The following HPDL variants were observed in gnomAD, a reference collection of about 807,000 sequenced individuals.
HPDL encodes the protein 4-hydroxyphenylpyruvate dioxygenase like.
In HPDL, 7 loss-of-function variants were observed where a neutral mutation model predicts 9.8. The observed-to-expected ratio is 0.71, with a 90% CI of 0.41 to 1.34. HPDL has a LOEUF of 1.34. HPDL is among the 40% of genes most tolerant of loss of function. HPDL has a pLI of 0.01. For synonymous variants in HPDL, 250 were observed against 228.2 expected, an observed-to-expected ratio of 1.10 and a Z score of -0.86; for missense variants, 530 against 495.1, an observed-to-expected ratio of 1.07 and a Z score of -0.67.
Position 45,327,394 on chromosome 1 carries a change from C to T in HPDL, c.246C>T (p.Cys82=), listed in dbSNP as rs1231014654. ...RHAVPSATNL[C]FDVADAGAAT... ...CCGTGCCCAGCGCCACAAACCTGTG[C>T]TTCGACGTGGCGGACGCCGGCGCTG... The change falls in exon 1 of 1, where the codon TGC becomes TGT. Residue 82 remains cysteine (C), a synonymous_variant. Transcript: ENST00000334815. The surrounding 1 kb of genome is among the most constrained non-coding windows in gnomAD (Gnocchi z 6.3). 1.9e-6 allele frequency: 3 copies of T among 1,585,952 alleles called. No individual in the cohort carries two copies. The highest frequency in any genetic ancestry group is 8.5e-7 in the Non-Finnish European group (1 of 1,170,852).
Position 45,327,643 on chromosome 1 carries a change from C to G in HPDL, c.495C>G (p.Thr165=). Residue 165 remains threonine, a synonymous_variant, in exon 1 of 1, where the codon ACC becomes ACG. Transcript: ENST00000334815. This position sits in a 1 kb window ranked among gnomAD's most constrained non-coding sequence, Gnocchi z 6.3. ...PGWVSRVDHL[T]LACTPGSSPT... ...GGGTCAGCCGCGTGGACCACCTGAC[C>G]TTGGCCTGCACCCCCGGCAGCTCCC... 6.2e-7 allele frequency: 1 copy of G among 1,612,262 alleles called. No homozygotes were observed. The highest frequency in any genetic ancestry group is 1.1e-5 in the South Asian group (1 of 90,984).
rs1644247798 is a variant in HPDL at position 45,327,459 on chromosome 1, T to C, written c.311T>C (p.Val104Ala). 1.3e-6 allele frequency: 2 copies of C among 1,589,140 alleles called. No homozygotes were observed. Among genetic ancestry groups the C allele is most frequent in the South Asian group, 1.1e-5 (1 of 89,162 alleles). ...ELAALGCSVP[V>A]PPVRVRDAQG... ...GCAGCGCTGGGCTGCAGCGTGCCTGTCCCTCCCGTTCGCGTGCGGGACGCG... is the reference window on the plus strand; with the variant it reads ...GCAGCGCTGGGCTGCAGCGTGCCTGCCCCTCCCGTTCGCGTGCGGGACGCG... The change falls in exon 1 of 1, where the codon GTC (valine) becomes GCC (alanine). Residue 104 changes from valine (V) to alanine (A), a missense_variant. Coordinates refer to ENST00000334815, the MANE Select transcript of HPDL (RefSeq NM_032756.4). This position sits in a 1 kb window ranked among gnomAD's most constrained non-coding sequence, Gnocchi z 6.3.
Position 45,327,482 on chromosome 1 carries a change from G to A in HPDL, c.334G>A (p.Ala112Thr). The change falls in exon 1 of 1, where the codon GCG becomes ACG. Residue 112 changes from alanine (A) to threonine (T), a missense_variant. By Grantham distance (58) the Ala-to-Thr change is moderately conservative (BLOSUM62 0). Coordinates refer to ENST00000334815, the MANE Select transcript of HPDL (RefSeq NM_032756.4). The surrounding 1 kb of genome is among the most constrained non-coding windows in gnomAD (Gnocchi z 6.3). Reference sequence around the variant, plus strand: ...TGTCCCTCCCGTTCGCGTGCGGGACGCGCAGGGTGCCGCCACTTACGCCGT... The same window carrying A: ...TGTCCCTCCCGTTCGCGTGCGGGACACGCAGGGTGCCGCCACTTACGCCGT... ...VPVPPVRVRD[A>T]QGAATYAVVS... The A allele has an allele frequency of 6.3e-7, 1 of 1,594,194 alleles. No individual in the cohort carries two copies. Among genetic ancestry groups the A allele is most frequent in the Admixed American group, 1.7e-5 (1 of 59,324 alleles).
At position 45,327,642 on chromosome 1, in the gene HPDL, C is replaced by T; in HGVS notation, c.494C>T (p.Thr165Ile). Reference sequence around the variant, plus strand: ...TGGGTCAGCCGCGTGGACCACCTGACCTTGGCCTGCACCCCCGGCAGCTCC... The same window carrying T: ...TGGGTCAGCCGCGTGGACCACCTGATCTTGGCCTGCACCCCCGGCAGCTCC... ...PGWVSRVDHLTLACTPGSSPT... is the reference protein window; with the variant it reads ...PGWVSRVDHLILACTPGSSPT... Residue 165 changes from threonine to isoleucine, a missense_variant, in exon 1 of 1, where the codon ACC becomes ATC. Coordinates refer to ENST00000334815, the MANE Select transcript of HPDL (RefSeq NM_032756.4). This position sits in a 1 kb window ranked among gnomAD's most constrained non-coding sequence, Gnocchi z 6.3. The T allele has an allele frequency of 6.2e-7, 1 of 1,612,242 alleles. No individual in the cohort carries two copies. The highest frequency in any genetic ancestry group is 1.1e-5 in the South Asian group (1 of 90,984).
chr1:45,328,529 G>A lies in HPDL; in HGVS notation c.*265G>A. 2.4e-6 allele frequency: 1 copy of A among 422,222 alleles called. No homozygotes were observed. The highest frequency in any genetic ancestry group is 4.4e-6 in the Non-Finnish European group (1 of 228,306). 26.2% of individuals were successfully genotyped at this position (422,222 alleles called of 1,614,324 possible). On this transcript the variant is annotated 3_prime_UTR_variant, in exon 1 of 1. Transcript: ENST00000334815. ...AGAACAATAAAAGAATTACACACTA[G>A]GAAATAGAACATAACCAATACTTTC...
At position 45,328,176 on chromosome 1, in the gene HPDL, G is replaced by A. The variant is rs373876225; in HGVS notation, c.1028G>A (p.Arg343Lys). The stretch of plus-strand genomic sequence containing the variant: ...ACTTTCTTCCTGGAGCTGATTCAGA[G>A]GCAGGGGGCCACTGGCTTTGGTCAG... ...EDTFFLELIQRQGATGFGQGN... is the reference protein window; with the variant it reads ...EDTFFLELIQKQGATGFGQGN... The change falls in exon 1 of 1, where the codon AGG becomes AAG. Residue 343 changes from arginine to lysine, a missense_variant. By Grantham distance (26) the Arg-to-Lys change is conservative. Coordinates refer to ENST00000334815, the MANE Select transcript of HPDL (RefSeq NM_032756.4). 6.2e-6 allele frequency: 10 copies of A among 1,614,250 alleles called. No individual in the cohort carries two copies. Among genetic ancestry groups the A allele is most frequent in the East Asian group, 2.2e-5 (1 of 44,884 alleles).
In HPDL at chr1:45,327,628, C is replaced by T. The variant is rs755537717; in HGVS notation, c.480C>T (p.Arg160=). The T allele has an allele frequency of 3.1e-6, 5 of 1,612,502 alleles. No homozygotes were observed. In the East Asian group the frequency reaches 1.1e-4, roughly 36 times the overall value. ...CGCCTGGCCCCGGGTGGGTCAGCCG[C>T]GTGGACCACCTGACCTTGGCCTGCA... is the stretch of plus-strand genomic sequence containing the variant. The part of the protein sequence containing the change: ...SSAPGPGWVS[R]VDHLTLACTP... The change falls in exon 1 of 1, where the codon CGC becomes CGT. Residue 160 remains arginine, a synonymous_variant. Coordinates refer to ENST00000334815, the MANE Select transcript of HPDL (RefSeq NM_032756.4). This position sits in a 1 kb window ranked among gnomAD's most constrained non-coding sequence, Gnocchi z 6.3.
At position 45,328,335 on chromosome 1, in the gene HPDL, C is replaced by T; in HGVS notation, c.*71C>T. ...AGACCAGCACAGAACTGAGGAACAT[C>T]TGCAGGAGGCCCAACTAGTGAAAGG... On this transcript the variant is annotated 3_prime_UTR_variant, in exon 1 of 1. Transcript: ENST00000334815. 2 of 1,495,954 alleles carry T rather than the reference C, an allele frequency of 1.3e-6. No individual in the cohort carries two copies. Among genetic ancestry groups the T allele is most frequent in the Non-Finnish European group, 1.8e-6 (2 of 1,108,428 alleles). 92.7% of individuals were successfully genotyped at this position (1,495,954 alleles called of 1,614,324 possible). A position where few individuals can be genotyped will look rare whatever the true frequency, so the allele number is the denominator to read the frequency against.
rs1281072753 is a variant in HPDL at position 45,328,013 on chromosome 1, C to A, written c.865C>A (p.Gln289Lys). The stretch of plus-strand genomic sequence containing the variant: ...CCTGGCTCCCCCTGGGGCATACTAC[C>A]AGCAGCCAGGAAAGGAGAGGCAGAT... ...QFLAPPGAYY[Q>K]QPGKERQIRA... The change falls in exon 1 of 1, where the codon CAG becomes AAG. Residue 289 changes from glutamine to lysine, a missense_variant. Coordinates refer to ENST00000334815, the MANE Select transcript of HPDL (RefSeq NM_032756.4). 1.5e-5 allele frequency: 24 copies of A among 1,613,776 alleles called. No individual in the cohort carries two copies. Among genetic ancestry groups the A allele is most frequent in the Non-Finnish European group, 2.0e-5 (24 of 1,179,692 alleles).
Position 45,328,157 on chromosome 1 carries a change from T to G in HPDL, c.1009T>G (p.Phe337Val). Reference sequence around the variant, plus strand: ...GTCCCTTTTTACTGAGGACACTTTCTTCCTGGAGCTGATTCAGAGGCAGGG... The same window carrying G: ...GTCCCTTTTTACTGAGGACACTTTCGTCCTGGAGCTGATTCAGAGGCAGGG... Reference protein sequence around the residue: ...TKSLFTEDTFFLELIQRQGAT... With the variant: ...TKSLFTEDTFVLELIQRQGAT... Residue 337 changes from phenylalanine (F) to valine (V), a missense_variant, in exon 1 of 1, where the codon TTC (phenylalanine) becomes GTC (valine). Phe to Val is a conservative substitution (Grantham distance 50, BLOSUM62 -1). Transcript: ENST00000334815. The G allele has an allele frequency of 1.2e-6, 2 of 1,614,244 alleles. No homozygotes were observed. Among genetic ancestry groups the G allele is most frequent in the Non-Finnish European group, 1.7e-6 (2 of 1,180,052 alleles).
chr1:45,327,744 T>C lies in HPDL; in HGVS notation c.596T>C (p.Leu199Pro). 1 of 1,612,728 alleles carries C rather than the reference T, an allele frequency of 6.2e-7. No homozygotes were observed. The change falls in exon 1 of 1, where the codon CTG becomes CCG. Residue 199 changes from leucine (L) to proline (P), a missense_variant. By Grantham distance (98) the Leu-to-Pro change is moderately conservative. Transcript: ENST00000334815. This position sits in a 1 kb window ranked among gnomAD's most constrained non-coding sequence, Gnocchi z 6.3. Reference protein sequence around the residue: ...LPLSPGEDPELGLEMTAGFGL... With the variant: ...LPLSPGEDPEPGLEMTAGFGL... ...CTGAGCCCAGGTGAGGATCCCGAGC[T>C]GGGCCTCGAAATGACAGCAGGGTTT...
chr1:45,327,377 A>C lies in HPDL; in HGVS notation c.229A>C (p.Ser77Arg). Residue 77 changes from serine to arginine, a missense_variant, in exon 1 of 1, where the codon AGC becomes CGC. Transcript: ENST00000334815. The surrounding 1 kb of genome is among the most constrained non-coding windows in gnomAD (Gnocchi z 6.3). ...YGLDPRHAVP[S>R]ATNLCFDVAD... ...CCTGGATCCGCGTCACGCCGTGCCCAGCGCCACAAACCTGTGCTTCGACGT... is the reference window on the plus strand; with the variant it reads ...CCTGGATCCGCGTCACGCCGTGCCCCGCGCCACAAACCTGTGCTTCGACGT... 1 of 1,585,256 alleles carries C rather than the reference A, an allele frequency of 6.3e-7. No individual in the cohort carries two copies. Among genetic ancestry groups the C allele is most frequent in the Non-Finnish European group, 8.5e-7 (1 of 1,169,772 alleles).
chr1:45,327,344 C>A lies in HPDL; in HGVS notation c.196C>A (p.Leu66Met). 5 of 1,580,484 alleles carry A rather than the reference C, an allele frequency of 3.2e-6. No homozygotes were observed. The highest frequency in any genetic ancestry group is 4.3e-6 in the Non-Finnish European group (5 of 1,165,392). Residue 66 changes from leucine (L) to methionine (M), a missense_variant, in exon 1 of 1, where the codon CTG (leucine) becomes ATG (methionine). Physicochemically the swap from Leu to Met is conservative, Grantham distance 15. Coordinates refer to ENST00000334815, the MANE Select transcript of HPDL (RefSeq NM_032756.4). The surrounding 1 kb of genome is among the most constrained non-coding windows in gnomAD (Gnocchi z 6.3). Reference protein sequence around the residue: ...VNEGAGSGEPLYGLDPRHAVP... With the variant: ...VNEGAGSGEPMYGLDPRHAVP... ...CGAGGGCGCAGGGTCTGGAGAGCCG[C>A]TGTACGGCCTGGATCCGCGTCACGC...
In HPDL at chr1:45,328,040, C is replaced by T. The variant is rs1174829812; in HGVS notation, c.892C>T (p.Arg298Ter). 6.2e-7 allele frequency: 1 copy of T among 1,614,150 alleles called. No individual in the cohort carries two copies. The highest frequency in any genetic ancestry group is 1.7e-5 in the Admixed American group (1 of 60,026). ...YQQPGKERQIRAAGHEPHLLA... is the reference protein window; with the variant it reads ...YQQPGKERQI The stretch of plus-strand genomic sequence containing the variant: ...GCAGCCAGGAAAGGAGAGGCAGATC[C>T]GAGCTGCAGGGCACGAGCCTCATCT... The change falls in exon 1 of 1, where the codon CGA becomes TGA. Residue 298 changes from arginine to a stop codon, truncating the protein, a stop_gained. Coordinates refer to ENST00000334815, the MANE Select transcript of HPDL (RefSeq NM_032756.4). LOFTEE classifies it high-confidence loss of function.
chr1:45,327,076 TGA>T lies in HPDL; in HGVS notation c.-69_-68del, dbSNP rs1208837803. 1.4e-6 allele frequency: 2 copies of T among 1,462,698 alleles called. No homozygotes were observed. Among genetic ancestry groups the T allele is most frequent in the Non-Finnish European group, 1.8e-6 (2 of 1,098,662 alleles). The allele number at this position is 1,462,698 out of a possible 1,614,324, so 90.6% of individuals were successfully genotyped here. ...CAACTCCGGACGATCAGCCCAGGAC[TGA>T]GAGCCCCGAAGTCCCCAACCACAAG... On this transcript the variant is annotated 5_prime_UTR_variant, in exon 1 of 1. Coordinates refer to ENST00000334815, the MANE Select transcript of HPDL (RefSeq NM_032756.4). This position sits in a 1 kb window ranked among gnomAD's most constrained non-coding sequence, Gnocchi z 6.3.
rs763386678 is a variant in HPDL, at chr1:45,328,370, C to T, written c.*106C>T. On this transcript the variant is annotated 3_prime_UTR_variant, in exon 1 of 1. Coordinates refer to ENST00000334815, the MANE Select transcript of HPDL (RefSeq NM_032756.4). ...CCCAACTAGTGAAAGGCTTTGCCTC[C>T]GGGGGGCAGGTGTGACTTCCATTTC... is the stretch of plus-strand genomic sequence containing the variant. The T allele has an allele frequency of 6.5e-5, 80 of 1,236,728 alleles. No individual in the cohort carries two copies. The highest frequency in any genetic ancestry group is 3.5e-4 in the Admixed American group (13 of 37,672). The allele number at this position is 1,236,728 out of a possible 1,614,324, so 76.6% of individuals were successfully genotyped here. A position where few individuals can be genotyped will look rare whatever the true frequency, so the allele number is the denominator to read the frequency against.
Position 45,327,351 on chromosome 1 carries a change from G to T in HPDL, c.203G>T (p.Gly68Val). ...GCAGGGTCTGGAGAGCCGCTGTACG[G>T]CCTGGATCCGCGTCACGCCGTGCCC... ...EGAGSGEPLY[G>V]LDPRHAVPSA... is the part of the protein sequence containing the mutation. The change falls in exon 1 of 1, where the codon GGC (glycine) becomes GTC (valine). Residue 68 changes from glycine (G) to valine (V), a missense_variant. Gly to Val is a moderately radical substitution (Grantham distance 109). Transcript: ENST00000334815. This position sits in a 1 kb window ranked among gnomAD's most constrained non-coding sequence, Gnocchi z 6.3. 6.3e-7 allele frequency: 1 copy of T among 1,581,454 alleles called. No homozygotes were observed.
chr1:45,327,907 G>C lies in HPDL; in HGVS notation c.759G>C (p.Gly253=). 6.4e-7 allele frequency: 1 copy of C among 1,558,666 alleles called. No individual in the cohort carries two copies. ...QVEQFLARHK[G]PGLQHVGLYT... is the part of the protein sequence containing the mutation. ...AGCAGTTCCTGGCCCGGCACAAGGGGCCAGGCCTGCAGCACGTGGGGCTGT... is the reference window on the plus strand; with the variant it reads ...AGCAGTTCCTGGCCCGGCACAAGGGCCCAGGCCTGCAGCACGTGGGGCTGT... Residue 253 remains glycine (G), a synonymous_variant, in exon 1 of 1, where the codon GGG becomes GGC. Coordinates refer to ENST00000334815, the MANE Select transcript of HPDL (RefSeq NM_032756.4). This position sits in a 1 kb window ranked among gnomAD's most constrained non-coding sequence, Gnocchi z 6.3.
rs1644249620 is a variant in HPDL at position 45,327,529 on chromosome 1, C to T, written c.381C>T (p.Ile127=). ...CCGTGGTCAGCTCGCCTGCCGGCAT[C>T]CTCAGCCTGACCTTGCTGGAGCGCG... The part of the protein sequence containing the change: ...TYAVVSSPAG[I]LSLTLLERAG... Residue 127 remains isoleucine (I), a synonymous_variant, in exon 1 of 1, where the codon ATC becomes ATT. Transcript: ENST00000334815. This position sits in a 1 kb window ranked among gnomAD's most constrained non-coding sequence, Gnocchi z 6.3. 1 of 1,605,674 alleles carries T rather than the reference C, an allele frequency of 6.2e-7. No individual in the cohort carries two copies.
Sources: gnomAD v4.1 joint callset for allele counts on GRCh38, gnomAD v4.1.1 for gene constraint, Gnocchi (gnomAD v3.1) non-coding constraint, MANE v1.5 for transcripts, NCBI Gene and HGNC (gene_info 2026-07-23, HGNC 2026-07-21) for gene names.